Variants in CTNNA3 observed in about 807,000 individuals in gnomAD.
The protein encoded by CTNNA3 is catenin alpha 3, also known as catenin alpha-3.
Under a neutral mutation model 95.7 loss-of-function variants are expected in CTNNA3, and 76 were observed. The observed-to-expected ratio is 0.79, with a 90% confidence interval of 0.66 to 0.96. The LOEUF (loss-of-function observed/expected upper bound fraction) is 0.96. Among genes scored for constraint, CTNNA3 ranks in the 40% least tolerant of loss-of-function variants. The pLI is 0.00. For synonymous variants in CTNNA3, 431 were observed against 374.4 expected (o/e 1.15, Z -1.74); for missense variants, 1,191 against 1,089.8 (o/e 1.09, Z -1.31).
At chr10:66,535,503 G>A (rs563894958) in intron 10 of CTNNA3, among the ~76,000 whole-genome samples, 99 of 152,216 alleles carry the variant, frequency 6.5e-4, no homozygotes, top group African/African-American at 2.3e-3. Flanking sequence ...AATTATCTCC[G>A]GGGAAATATA....
intron 12 of CTNNA3, among the ~76,000 whole-genome samples, chr10:66,368,766 C>T (rs1307333601): frequency 1.3e-5 from 2 of 152,018 alleles, no homozygotes; most frequent in Non-Finnish European, 2.9e-5. Flanking sequence ...TTTTAACTTA[C>T]TTCTTCTTCC....
At chr10:66,987,418 G>A (rs1850792029) in intron 7 of CTNNA3, among the ~76,000 whole-genome samples, 2 of 152,138 alleles carry the variant, frequency 1.3e-5, no homozygotes, top group Admixed American at 6.6e-5. Context: ...AGAATGTAGG[G>A]CTGAAGAATC....
intron 5 of CTNNA3, among the ~76,000 whole-genome samples, chr10:67,405,635 C>A (rs969080651): frequency 6.6e-6 from 1 of 151,662 alleles, no homozygotes; most frequent in African/African-American, 2.4e-5. Context: ...TTTCTAATAT[C>A]TCTATCATCA....
chr10:67,518,808 A>T (rs1396160895), intron 5 of CTNNA3, among the ~76,000 whole-genome samples: 2 of 152,150 alleles, frequency 1.3e-5, no homozygotes, highest in African/African-American at 2.4e-5. Context: ...GGAACTTGTT[A>T]TTACCATTCC....
intron 12 of CTNNA3, among the ~76,000 whole-genome samples, chr10:66,360,858 C>T (rs1244265150): frequency 4.3e-5 from 4 of 92,154 alleles, no homozygotes; most frequent in Non-Finnish European, 8.7e-5. Flanking sequence ...TCTTTCTTTC[C>T]TTTCTCTTTC....
At chr10:67,368,930 C>T (rs1379664324) in intron 5 of CTNNA3, among the ~76,000 whole-genome samples, 1 of 152,092 alleles carries the variant, frequency 6.6e-6, no homozygotes, top group Non-Finnish European at 1.5e-5. Flanking sequence ...GAGATTGGTA[C>T]ATTTACTATC....
At chr10:66,108,464 C>G (rs908885810) in intron 13 of CTNNA3, among the ~76,000 whole-genome samples, 3 of 152,160 alleles carry the variant, frequency 2.0e-5, no homozygotes, top group Non-Finnish European at 4.4e-5. Flanking sequence ...CTCAGATGCT[C>G]TCTACTCAGA....
chr10:67,710,004 A>G (rs1564837877), intron 1 of CTNNA3, among the ~76,000 whole-genome samples: 1 of 152,168 alleles, frequency 6.6e-6, no homozygotes. Context: ...CTACCGTGAC[A>G]ACCAAAACTG....
intron 10 of CTNNA3, among the ~76,000 whole-genome samples, chr10:66,560,980 C>G (rs1185968938): frequency 6.6e-6 from 1 of 151,940 alleles, no homozygotes; most frequent in African/African-American, 2.4e-5. Flanking sequence ...AACTTCCCAG[C>G]CTGTAGAACT....
chr10:66,450,989 C>G (rs2093459931), intron 11 of CTNNA3, among the ~76,000 whole-genome samples: 1 of 152,074 alleles, frequency 6.6e-6, no homozygotes, highest in Non-Finnish European at 1.5e-5. Context: ...TCTCAGTTGC[C>G]TCCAATATAA....
chr10:66,779,524 T>C lies in CTNNA3; in HGVS notation c.1048-4000A>G, dbSNP rs1218735671. On this transcript the variant is annotated intron_variant, in intron 7 of 17. Transcript: ENST00000433211. The stretch of plus-strand genomic sequence containing the variant: ...GGTGCCTACCACCATGCCTGGCTTA[T>C]TTTTTTTTTTGTACTTTTAGTAGAG... Among the ~76,000 whole-genome samples the C allele has an allele frequency of 2.7e-5, 3 of 111,864 alleles. No individual in the cohort carries two copies. The East Asian group carries it at 6.0e-4, about 22-fold the overall frequency. The allele number at this position is 111,864 out of a possible 152,430, so 73.4% of individuals were successfully genotyped here. A position where few individuals can be genotyped will look rare whatever the true frequency, so the allele number is the denominator to read the frequency against.
At chr10:67,342,096 C>CT (rs1842219957) in intron 5 of CTNNA3, among the ~76,000 whole-genome samples, 1 of 80,804 alleles carries the variant, frequency 1.2e-5, no homozygotes, top group Non-Finnish European at 2.8e-5. Context: ...ATTTATTTTT[C>CT]TTCTTTTTTT....
At chr10:67,203,877 C>T (rs530234689) in intron 6 of CTNNA3, among the ~76,000 whole-genome samples, 36 of 152,242 alleles carry the variant, frequency 2.4e-4, no homozygotes, top group East Asian at 1.5e-3. Flanking sequence ...TACTGTAATA[C>T]GGTATTAATG....
At chr10:66,133,138 TA>T (rs1240148140) in intron 13 of CTNNA3, among the ~76,000 whole-genome samples, 2 of 151,872 alleles carry the variant, frequency 1.3e-5, no homozygotes, top group African/African-American at 4.8e-5. Flanking sequence ...ACATCACAAA[TA>T]TGTAAATTCT....
At chr10:66,517,018 C>T (rs182528251) in intron 11 of CTNNA3, among the ~76,000 whole-genome samples, 117 of 152,068 alleles carry the variant, frequency 7.7e-4, no homozygotes, top group African/African-American at 2.7e-3. Flanking sequence ...GTCAGGAGTT[C>T]GAGACCAGTC....
At chr10:66,136,633 A>C (rs542897963) in intron 13 of CTNNA3, among the ~76,000 whole-genome samples, 5 of 152,258 alleles carry the variant, frequency 3.3e-5, no homozygotes, top group African/African-American at 1.2e-4. Context: ...AGCATTTGCC[A>C]ATTCTTGCAA....
intron 15 of CTNNA3, among the ~76,000 whole-genome samples, chr10:66,063,351 T>G (rs900325336): frequency 2.0e-5 from 3 of 149,714 alleles, no homozygotes; most frequent in African/African-American, 7.3e-5. Context: ...TCGATTACCT[T>G]TTATATATCA....
rs1840553515 is a variant in CTNNA3, at chr10:67,677,321, TAA to T, written c.-6+18677_-6+18678del. Among the ~76,000 whole-genome samples the T allele has an allele frequency of 2.6e-5, 4 of 152,204 alleles. No individual in the cohort carries two copies. The South Asian group carries it at 8.3e-4, about 31-fold the overall frequency. On this transcript the variant is annotated intron_variant, in intron 1 of 17. Coordinates refer to ENST00000433211, the MANE Select transcript of CTNNA3 (RefSeq NM_013266.4). Reference sequence around the variant, plus strand: ...ATAAACAAAGAATAATTTTTTGGCATAAGTATGCCCTATGCAATATTTGGGAC... The same window carrying T: ...ATAAACAAAGAATAATTTTTTGGCATGTATGCCCTATGCAATATTTGGGAC...
chr10:66,633,368 C>T (rs1845212815), intron 9 of CTNNA3, among the ~76,000 whole-genome samples: 2 of 152,062 alleles, frequency 1.3e-5, no homozygotes, highest in Non-Finnish European at 2.9e-5. Flanking sequence ...GAATGGAAAA[C>T]ATGATTCTAT....
Sources: gnomAD v4.1 joint callset for allele counts (sites outside exome capture counted in the v4.1 genomes callset) on GRCh38, gnomAD v4.1.1 for gene constraint, MANE v1.5 for transcripts, NCBI Gene and HGNC (gene_info 2026-07-23, HGNC 2026-07-21) for gene names.